SLC14A2: variants seen among roughly 807,000 people sequenced by gnomAD.
SLC14A2 encodes the protein solute carrier family 14 member 2, also known as urea transporter 2.
SLC14A2 carries 91 observed loss-of-function variants against 104.6 expected under a neutral mutation model. The observed-to-expected ratio is 0.87, with a 90% CI of 0.73 to 1.04. The LOEUF (loss-of-function observed/expected upper bound fraction) is 1.04, where lower values mean the gene tolerates loss of function less well. SLC14A2 is among the 50% of genes least tolerant of loss of function. The pLI, the probability that SLC14A2 is intolerant of heterozygous loss-of-function variation, is 0.00. For missense variants in SLC14A2, 1,189 were observed against 1,156.0 expected, an observed-to-expected ratio of 1.03 and a Z score of -0.41; for synonymous variants, 476 against 466.4, an observed-to-expected ratio of 1.02 and a Z score of -0.27.
upstream of SLC14A2, among the ~76,000 whole-genome samples, chr18:45,211,753 T>A (rs758723818): frequency 1.2e-4 from 19 of 152,150 alleles, no homozygotes; most frequent in Non-Finnish European, 4.4e-5. Flanking sequence ...AAACACAATG[T>A]ACAGAACAAT....
chr18:45,242,320 T>C (rs557362176), intron 1 of SLC14A2, among the ~76,000 whole-genome samples: 1 of 152,286 alleles, frequency 6.6e-6, no homozygotes, highest in South Asian at 2.1e-4. Context: ...GCACCTCAAA[T>C]GTTGTAAAAA....
intron 1 of SLC14A2, among the ~76,000 whole-genome samples, chr18:45,388,345 A>G (rs1194426042): frequency 3.3e-5 from 5 of 151,994 alleles, no homozygotes; most frequent in Admixed American, 2.0e-4. Context: ...TACAGGCATG[A>G]GCCACCGCGC....
intron 1 of SLC14A2, chr18:45,447,192 G>C (rs1372338357): frequency 1.3e-5 from 2 of 152,162 alleles, no homozygotes; most frequent in African/African-American, 2.4e-5. Flanking sequence ...AAATGCAAGG[G>C]CACACAAATT....
chr18:45,480,748 C>T (rs772682716), intron 1 of SLC14A2, among the ~76,000 whole-genome samples: 1 of 152,190 alleles, frequency 6.6e-6, no homozygotes, highest in Non-Finnish European at 1.5e-5. Context: ...CTTGGATTGC[C>T]AGGAACAGTC....
chr18:45,295,643 G>A (rs918018786), intron 1 of SLC14A2, among the ~76,000 whole-genome samples: 2 of 151,970 alleles, frequency 1.3e-5, no homozygotes, highest in African/African-American at 2.4e-5. Flanking sequence ...TCCTCCCAGC[G>A]AGGCGTGTCA....
chr18:45,193,297 G>C, the SLC14A2 span, among the ~76,000 whole-genome samples: 1 of 152,132 alleles, frequency 6.6e-6, no homozygotes, highest in East Asian at 1.9e-4. Flanking sequence ...TTATACCTAA[G>C]AAATTATTGC....
intron 10 of SLC14A2, among the ~76,000 whole-genome samples, chr18:45,660,155 G>A (rs567215543): frequency 2.0e-5 from 3 of 152,092 alleles, no homozygotes; most frequent in African/African-American, 7.2e-5. Context: ...AAATGCATAG[G>A]ATAATTATCC....
chr18:45,679,711 T>G (rs1430948624), intron 19 of SLC14A2, among the ~76,000 whole-genome samples: 1 of 152,214 alleles, frequency 6.6e-6, no homozygotes, highest in Admixed American at 6.5e-5. Context: ...TAGTAACACC[T>G]GCCTAGATCT....
chr18:45,657,222 A>G (rs141112376), intron 10 of SLC14A2, among the ~76,000 whole-genome samples: 1,650 of 152,330 alleles, frequency 0.011, 26 homozygotes, highest in African/African-American at 0.038. Context: ...CTGTAATCCC[A>G]ACACTTTGGG....
intron 2 of SLC14A2, among the ~76,000 whole-genome samples, chr18:45,585,877 G>T (rs555435070): frequency 3.9e-5 from 6 of 152,184 alleles, no homozygotes; most frequent in Non-Finnish European, 7.3e-5. Flanking sequence ...AGCAGAACTG[G>T]TTACACCCTA....
intron 1 of SLC14A2, among the ~76,000 whole-genome samples, chr18:45,444,374 C>T (rs1028897977): frequency 5.9e-5 from 9 of 152,282 alleles, no homozygotes; most frequent in South Asian, 2.1e-4. Context: ...ATATTCTGAT[C>T]CTGGCTCAGA....
the SLC14A2 span, among the ~76,000 whole-genome samples, chr18:45,168,140 C>T: frequency 5.3e-5 from 8 of 152,130 alleles, no homozygotes; most frequent in East Asian, 1.9e-4. Flanking sequence ...CTTTTCTTTT[C>T]GTGTGATTCA....
At chr18:45,216,508 A>G (rs1049035032) in intron 1 of SLC14A2, among the ~76,000 whole-genome samples, 3 of 152,128 alleles carry the variant, frequency 2.0e-5, no homozygotes, top group African/African-American at 7.2e-5. Context: ...GCCCATAGTC[A>G]TTGAAATATA....
intron 1 of SLC14A2, among the ~76,000 whole-genome samples, chr18:45,375,534 T>G (rs997363019): frequency 1.3e-5 from 2 of 152,204 alleles, no homozygotes; most frequent in African/African-American, 4.8e-5. Context: ...CAAGTTGTCC[T>G]TAAAAACTCT....
At chr18:45,597,337 A>AG (rs1191360552) in intron 2 of SLC14A2, among the ~76,000 whole-genome samples, 1 of 151,906 alleles carries the variant, frequency 6.6e-6, no homozygotes, top group Non-Finnish European at 1.5e-5. Context: ...CAAAAAAAAA[A>AG]GAAAGAAAGA....
upstream of SLC14A2, chr18:45,614,656 T>G (rs2045029348): frequency 6.6e-6 from 1 of 152,196 alleles, no homozygotes; most frequent in African/African-American, 2.4e-5. Context: ...AGATTTAAGA[T>G]TTAATGACTG....
intron 10 of SLC14A2, among the ~76,000 whole-genome samples, chr18:45,645,528 C>A (rs2045603718): frequency 8.2e-6 from 1 of 121,458 alleles, no homozygotes; most frequent in South Asian, 2.8e-4. Context: ...AAATAGGTAG[C>A]CCTGACTATA....
intron 2 of SLC14A2, among the ~76,000 whole-genome samples, chr18:45,609,911 C>T (rs552985089): frequency 5.7e-4 from 87 of 152,320 alleles, no homozygotes; most frequent in African/African-American, 1.8e-3. Flanking sequence ...CTTGCCATTT[C>T]CTTTCATCTG....
chr18:45,443,570 G>C (rs572325785), intron 1 of SLC14A2, among the ~76,000 whole-genome samples: 39 of 152,194 alleles, frequency 2.6e-4, no homozygotes, highest in African/African-American at 8.4e-4. Flanking sequence ...ACACAGAAAG[G>C]CAGTGGGGGT....
Sources: gnomAD v4.1 joint callset for allele counts (sites outside exome capture counted in the v4.1 genomes callset) on GRCh38, gnomAD v4.1.1 for gene constraint, MANE v1.5 for transcripts, NCBI Gene and HGNC (gene_info 2026-07-23, HGNC 2026-07-21) for gene names.